The following NCOA3 variants were observed in gnomAD, a reference collection of about 807,000 sequenced individuals.
The protein encoded by NCOA3 is nuclear receptor coactivator 3.
In NCOA3, 51 loss-of-function variants were observed where a neutral mutation model predicts 158.8. The ratio of observed to expected loss-of-function variants is 0.32; its 90% confidence interval spans 0.26 to 0.41. The LOEUF (loss-of-function observed/expected upper bound fraction) is 0.41, where lower values mean the gene tolerates loss of function less well. Ranked by LOEUF, NCOA3 falls within the 10% of genes least tolerant of loss-of-function variation. The pLI, the probability that NCOA3 is intolerant of heterozygous loss-of-function variation, is 1.00. For missense variants in NCOA3, 1,510 were observed against 1,746.6 expected, an observed-to-expected ratio of 0.86 and a Z score of 2.41; for synonymous variants, 537 against 592.4, an observed-to-expected ratio of 0.91 and a Z score of 1.36.
chr20:47,578,441 C>T (rs1011081690), intron 1 of NCOA3, among the ~76,000 whole-genome samples: 10 of 152,186 alleles, frequency 6.6e-5, no homozygotes, highest in African/African-American at 2.2e-4. Flanking sequence ...CCACCTCGGC[C>T]TCCCAAAATG....
intron 1 of NCOA3, among the ~76,000 whole-genome samples, chr20:47,539,109 A>T (rs771573835): frequency 6.6e-6 from 1 of 152,076 alleles, no homozygotes; most frequent in Non-Finnish European, 1.5e-5. Flanking sequence ...CTTTGGGACA[A>T]TCTGTTGACT....
chr20:47,567,935 C>G (rs920073549), intron 1 of NCOA3, among the ~76,000 whole-genome samples: 8 of 152,066 alleles, frequency 5.3e-5, no homozygotes, highest in Admixed American at 1.3e-4. Flanking sequence ...GTCTTGAACT[C>G]CTGTCCTCAA....
chr20:47,585,634 G>T (rs528357282), intron 2 of NCOA3, among the ~76,000 whole-genome samples: 80 of 152,202 alleles, frequency 5.3e-4, no homozygotes, highest in African/African-American at 1.8e-3. Context: ...TTTCATGAGG[G>T]TGTTTTTCCT....
rs11476485 is a variant in NCOA3 at position 47,534,266 on chromosome 20, T to TA, written c.-99+32264dup. Among the ~76,000 whole-genome samples, 1,051 of 140,744 alleles carry TA rather than the reference T, an allele frequency of 7.5e-3. 5 individuals are homozygous for TA. Among genetic ancestry groups the TA allele is most frequent in the Non-Finnish European group, 0.01 (673 of 64,418 alleles). The allele number at this position is 140,744 out of a possible 152,430, so 92.3% of individuals were successfully genotyped here. ...CTGTCCATTTGAACTTGGGATTCTTTAAAAAAAAAAAAAAAAAGATTTATT... is the reference window on the plus strand; with the variant it reads ...CTGTCCATTTGAACTTGGGATTCTTTAAAAAAAAAAAAAAAAAAGATTTATT... On this transcript the variant is annotated intron_variant, in intron 1 of 22. Coordinates refer to ENST00000371998, the MANE Select transcript of NCOA3 (RefSeq NM_181659.3).
chr20:47,534,433 T>C (rs1235461984), intron 1 of NCOA3, among the ~76,000 whole-genome samples: 5 of 152,202 alleles, frequency 3.3e-5, no homozygotes. Flanking sequence ...TCTCCCTAAC[T>C]GGGTTGTGAG....
At chr20:47,588,174 GC>G (rs2085567902) in intron 2 of NCOA3, among the ~76,000 whole-genome samples, 1 of 102,882 alleles carries the variant, frequency 9.7e-6, no homozygotes. Context: ...AGTCTTGGTT[GC>G]TCAGGCTGGA....
intron 1 of NCOA3, among the ~76,000 whole-genome samples, chr20:47,548,665 G>A (rs1013466563): frequency 2.0e-5 from 3 of 152,216 alleles, no homozygotes; most frequent in African/African-American, 4.8e-5. Context: ...ATTGAGAAAT[G>A]CTTTTAAAAA....
chr20:47,532,919 C>T (rs2084569348), intron 1 of NCOA3, among the ~76,000 whole-genome samples: 2 of 151,604 alleles, frequency 1.3e-5, no homozygotes, highest in African/African-American at 4.9e-5. Flanking sequence ...GCCTGGCCAA[C>T]ATGGTGAAAC....
intron 1 of NCOA3, among the ~76,000 whole-genome samples, chr20:47,519,035 C>G (rs1394189023): frequency 6.6e-6 from 1 of 151,900 alleles, no homozygotes; most frequent in Non-Finnish European, 1.5e-5. Context: ...ACTCAGGAGG[C>G]CGAGGCAGGA....
At chr20:47,536,965 G>A (rs955915494) in intron 1 of NCOA3, among the ~76,000 whole-genome samples, 4 of 151,688 alleles carry the variant, frequency 2.6e-5, no homozygotes, top group Non-Finnish European at 4.4e-5. Flanking sequence ...CACCATGCCC[G>A]GCTAATTTTT....
At chr20:47,632,496 T>C (rs544156351) in intron 8 of NCOA3, among the ~76,000 whole-genome samples, 1 of 151,462 alleles carries the variant, frequency 6.6e-6, no homozygotes, top group South Asian at 2.1e-4. Context: ...CAAGCAATTC[T>C]CCTGCCTCAG....
At chr20:47,566,040 C>T (rs2085189312) in intron 1 of NCOA3, among the ~76,000 whole-genome samples, 1 of 151,734 alleles carries the variant, frequency 6.6e-6, no homozygotes, top group African/African-American at 2.4e-5. Context: ...GTCGCACGAT[C>T]TTGGCTCACT....
intron 2 of NCOA3, among the ~76,000 whole-genome samples, chr20:47,605,760 A>G (rs1349673799): frequency 1.3e-5 from 2 of 152,082 alleles, no homozygotes; most frequent in Non-Finnish European, 2.9e-5. Flanking sequence ...GTCATGTTTG[A>G]GCGTAACTGT....
chr20:47,641,118 AG>A (rs2086599017), intron 16 of NCOA3, among the ~76,000 whole-genome samples: 2 of 151,158 alleles, frequency 1.3e-5, no homozygotes, highest in Non-Finnish European at 2.9e-5. Context: ...TACTCAATAG[AG>A]AGCAAATAGT....
At position 47,582,956 on chromosome 20, in the gene NCOA3, G is replaced by A. The variant is rs922790713; in HGVS notation, c.-98-227G>A. Among the ~76,000 whole-genome samples, 6 of 152,110 alleles carry A rather than the reference G, an allele frequency of 3.9e-5. No individual in the cohort carries two copies. In the South Asian group the frequency reaches 6.2e-4, roughly 16 times the overall value. On this transcript the variant is annotated intron_variant, in intron 1 of 22. Coordinates refer to ENST00000371998, the MANE Select transcript of NCOA3 (RefSeq NM_181659.3). ...ATTACAGGCGGATGCCATGTCGCCC[G>A]GCTAATTTCTGTATTTTTAGTAGAG...
rs557283563 is a variant in NCOA3 at position 47,573,720 on chromosome 20, T to G, written c.-98-9463T>G. Among the ~76,000 whole-genome samples, 39 of 152,342 alleles carry G rather than the reference T, an allele frequency of 2.6e-4. No homozygotes were observed. In the Middle Eastern group the frequency reaches 0.01, roughly 40 times the overall value. On this transcript the variant is annotated intron_variant, in intron 1 of 22. Coordinates refer to ENST00000371998, the MANE Select transcript of NCOA3 (RefSeq NM_181659.3). ...CTTGGGGAGAGGGAGTATGAAAAAC[T>G]AATTTAATTTTACCCTTTGTCTTTC...
At chr20:47,548,038 G>A (rs1382247921) in intron 1 of NCOA3, among the ~76,000 whole-genome samples, 1 of 151,790 alleles carries the variant, frequency 6.6e-6, no homozygotes, top group East Asian at 1.9e-4. Context: ...GCCTTTGTTG[G>A]TTTTATTTTA....
chr20:47,506,973 A>G (rs1175929814), intron 1 of NCOA3, among the ~76,000 whole-genome samples: 1 of 152,198 alleles, frequency 6.6e-6, no homozygotes, highest in Non-Finnish European at 1.5e-5. Flanking sequence ...TTAGCCACAT[A>G]ATGATGAAAA....
At chr20:47,590,991 C>T (rs949005577) in intron 2 of NCOA3, among the ~76,000 whole-genome samples, 1 of 151,902 alleles carries the variant, frequency 6.6e-6, no homozygotes, top group Non-Finnish European at 1.5e-5. Flanking sequence ...TGCCTGTAAT[C>T]CCAGCTACTC....
Sources: gnomAD v4.1 joint callset for allele counts (sites outside exome capture counted in the v4.1 genomes callset) on GRCh38, gnomAD v4.1.1 for gene constraint, MANE v1.5 for transcripts, NCBI Gene and HGNC (gene_info 2026-07-23, HGNC 2026-07-21) for gene names.